The following HMGCLL1 variants were observed in gnomAD, a reference collection of about 807,000 sequenced individuals.
HMGCLL1 encodes the protein 3-hydroxy-3-methylglutaryl-CoA lyase like 1.
Under a neutral mutation model 39.1 loss-of-function variants are expected in HMGCLL1, and 36 were observed. That is an observed-to-expected ratio of 0.92 (90% CI 0.71 to 1.22). The LOEUF (loss-of-function observed/expected upper bound fraction) is 1.22, where lower values mean the gene tolerates loss of function less well. Among genes scored for constraint, HMGCLL1 ranks in the 50% most tolerant of loss-of-function variants. The pLI, the probability that HMGCLL1 is intolerant of heterozygous loss-of-function variation, is 0.00. For synonymous variants in HMGCLL1, 149 were observed against 144.0 expected (o/e 1.03, Z -0.25); for missense variants, 451 against 416.5 (o/e 1.08, Z -0.72).
At chr6:55,597,943 G>A in the HMGCLL1 span, among the ~76,000 whole-genome samples, 1 of 152,018 alleles carries the variant, frequency 6.6e-6, no homozygotes, top group Non-Finnish European at 1.5e-5. Context: ...ATAAATATTT[G>A]GGGAAATTCA....
At chr6:55,463,327 C>T (rs991975092) in intron 7 of HMGCLL1, among the ~76,000 whole-genome samples, 5 of 151,938 alleles carry the variant, frequency 3.3e-5, no homozygotes, top group South Asian at 2.1e-4. Context: ...CCACTGTGCC[C>T]GGCCCCAGTC....
chr6:55,634,953 C>T, the HMGCLL1 span, among the ~76,000 whole-genome samples: 8 of 152,168 alleles, frequency 5.3e-5, no homozygotes, highest in Admixed American at 4.6e-4. Context: ...GGTTAAGGCA[C>T]ACTCATCTTG....
chr6:55,473,664 ATTT>A (rs1309381891), intron 7 of HMGCLL1, among the ~76,000 whole-genome samples: 2 of 151,414 alleles, frequency 1.3e-5, no homozygotes, highest in East Asian at 3.9e-4. Context: ...AAAAGATTAT[ATTT>A]TATTTTCATA....
At chr6:55,477,195 TATTATATA>T (rs1362441242) in intron 7 of HMGCLL1, among the ~76,000 whole-genome samples, 8 of 27,574 alleles carry the variant, frequency 2.9e-4, no homozygotes, top group African/African-American at 2.2e-3. Flanking sequence ...ATATATTATA[TATTATATA>T]ATATATATTA....
chr6:55,609,638 TC>T, the HMGCLL1 span, among the ~76,000 whole-genome samples: 16,759 of 151,942 alleles, frequency 0.11, 1,105 homozygotes, highest in East Asian at 0.17. Flanking sequence ...CAAGTGGGTT[TC>T]CCCCCAGGGC....
chr6:55,580,221 G>A (rs1457271716), upstream of HMGCLL1, among the ~76,000 whole-genome samples: 3 of 151,856 alleles, frequency 2.0e-5, no homozygotes, highest in Non-Finnish European at 2.9e-5. Flanking sequence ...TGGGGGTTTG[G>A]GGGGTGGGCA....
intron 1 of HMGCLL1, among the ~76,000 whole-genome samples, chr6:55,543,610 A>T (rs1481486299): frequency 7.1e-6 from 1 of 141,830 alleles, no homozygotes; most frequent in East Asian, 2.0e-4. Context: ...TTTTGCCAGC[A>T]CTTTGGAAGG....
chr6:55,491,436 T>A (rs1296488892), intron 7 of HMGCLL1, among the ~76,000 whole-genome samples: 2 of 152,100 alleles, frequency 1.3e-5, no homozygotes, highest in Non-Finnish European at 2.9e-5. Flanking sequence ...ATAGTAAACA[T>A]ATGAAAAACA....
the HMGCLL1 span, among the ~76,000 whole-genome samples, chr6:55,616,656 C>T: frequency 6.6e-6 from 1 of 152,052 alleles, no homozygotes. Flanking sequence ...TCCCACTGAC[C>T]TTACAGAATC....
At chr6:55,469,905 G>T (rs1425873088) in intron 7 of HMGCLL1, among the ~76,000 whole-genome samples, 2 of 151,754 alleles carry the variant, frequency 1.3e-5, no homozygotes, top group African/African-American at 4.8e-5. Flanking sequence ...TTTTTCAGAA[G>T]CACCAAAGAT....
chr6:55,465,281 CATT>C, intron 7 of HMGCLL1, among the ~76,000 whole-genome samples: 1 of 152,096 alleles, frequency 6.6e-6, no homozygotes, highest in South Asian at 2.1e-4. Context: ...TAAATATACA[CATT>C]AATACGTATG....
At chr6:55,464,432 C>T (rs998247613) in intron 7 of HMGCLL1, among the ~76,000 whole-genome samples, 10 of 152,120 alleles carry the variant, frequency 6.6e-5, no homozygotes, top group African/African-American at 2.2e-4. Flanking sequence ...CTTCTGTGTA[C>T]ATACATGGAT....
intron 8 of HMGCLL1, among the ~76,000 whole-genome samples, chr6:55,436,481 G>A (rs1360905251): frequency 2.0e-5 from 3 of 151,824 alleles, no homozygotes; most frequent in African/African-American, 7.3e-5. Context: ...GTAAGGAAAG[G>A]GTCACTATCA....
At chr6:55,633,940 A>G in the HMGCLL1 span, among the ~76,000 whole-genome samples, 1 of 152,156 alleles carries the variant, frequency 6.6e-6, no homozygotes, top group Non-Finnish European at 1.5e-5. Context: ...ATTTGCAAAT[A>G]TAAACGCATT....
At chr6:55,643,882 C>T in the HMGCLL1 span, among the ~76,000 whole-genome samples, 1 of 152,010 alleles carries the variant, frequency 6.6e-6, no homozygotes, top group African/African-American at 2.4e-5. Context: ...GCAGACATCT[C>T]TTCAATATAC....
At chr6:55,541,931 G>T in intron 2 of HMGCLL1, 95 bp from the exon 3 acceptor site, 1 of 941,474 alleles carries the variant, frequency 1.1e-6, no homozygotes, top group Non-Finnish European at 1.6e-6. Context: ...AGTATTATTT[G>T]TAATTTACAA....
At chr6:55,636,048 A>G in the HMGCLL1 span, among the ~76,000 whole-genome samples, 1 of 152,186 alleles carries the variant, frequency 6.6e-6, no homozygotes, top group Admixed American at 6.5e-5. Flanking sequence ...AACACTGAAA[A>G]TATCAGTCTC....
At chr6:55,538,877 G>A (rs770424784) in intron 3 of HMGCLL1, among the ~76,000 whole-genome samples, 16 of 151,942 alleles carry the variant, frequency 1.1e-4, no homozygotes, top group Non-Finnish European at 2.2e-4. Context: ...GTGACAATGG[G>A]ATAGAGAAAA....
intron 1 of HMGCLL1, among the ~76,000 whole-genome samples, chr6:55,555,633 G>A (rs984470110): frequency 1.3e-4 from 20 of 152,186 alleles, no homozygotes; most frequent in African/African-American, 3.6e-4. Context: ...TCAAAGAAGC[G>A]ATGAACTTTT....
Sources: gnomAD v4.1 joint callset for allele counts (sites outside exome capture counted in the v4.1 genomes callset) on GRCh38, gnomAD v4.1.1 for gene constraint, MANE v1.5 for transcripts, NCBI Gene and HGNC (gene_info 2026-07-23, HGNC 2026-07-21) for gene names.